Variants in FAM161B observed in about 807,000 individuals in gnomAD.
The protein encoded by FAM161B is protein FAM161B.
Under a neutral mutation model 61.5 loss-of-function variants are expected in FAM161B, and 46 were observed. That is an observed-to-expected ratio of 0.75 (90% CI 0.59 to 0.96). FAM161B has a LOEUF of 0.96. Among genes scored for constraint, FAM161B ranks in the 40% least tolerant of loss-of-function variants. The pLI is 0.00. For missense variants in FAM161B, 774 were observed against 800.7 expected (o/e 0.97, Z 0.40); for synonymous variants, 284 against 302.7 (o/e 0.94, Z 0.64).
At chr14:73,939,654 C>G (rs1284630689) in intron 5 of FAM161B, among the ~76,000 whole-genome samples, 1 of 152,214 alleles carries the variant, frequency 6.6e-6, no homozygotes, top group East Asian at 1.9e-4. Context: ...TTTGGGAATA[C>G]AAATCTGCAC....
chr14:73,924,222 G>A, the FAM161B span, among the ~76,000 whole-genome samples: 51 of 152,228 alleles, frequency 3.4e-4, no homozygotes, highest in African/African-American at 1.2e-3. Context: ...TAAGGAGTGC[G>A]CAACCTAGAT....
the FAM161B span, among the ~76,000 whole-genome samples, chr14:73,924,169 A>T: frequency 6.6e-6 from 1 of 152,136 alleles, no homozygotes; most frequent in Non-Finnish European, 1.5e-5. Context: ...GGCACCAGGG[A>T]CCGGTTTCGT....
At position 73,937,690 on chromosome 14, in the gene FAM161B, C is replaced by T. The variant is rs138441046; in HGVS notation, c.1577G>A (p.Arg526His). 27 of 1,613,690 alleles carry T rather than the reference C, an allele frequency of 1.7e-5. No homozygotes were observed. The highest frequency in any genetic ancestry group is 3.3e-4 in the Middle Eastern group (2 of 6,084). The change falls in exon 7 of 9, where the codon CGT (arginine) becomes CAT (histidine). Residue 526 changes from arginine (R) to histidine (H), a missense_variant. Transcript: ENST00000286544. ...TTTCTTATATTCTTTCGCTCTTTTA[C>T]GGTCATTGTTCCTGGAATTAGCAAG... is the stretch of plus-strand genomic sequence containing the variant. ...AKLKENRNND[R>H]KRAKEYKKEL...
At chr14:73,928,817 G>A (rs2055871014), downstream of FAM161B, among the ~76,000 whole-genome samples, 3 of 152,092 alleles carry the variant, frequency 2.0e-5, no homozygotes, top group Non-Finnish European at 4.4e-5. Flanking sequence ...GCATAGTGGT[G>A]CATACCTGTA....
chr14:73,949,822 TGTAA>T lies in FAM161B; in HGVS notation c.54+147_54+150del, dbSNP rs946244135. The T allele has an allele frequency of 4.4e-6, 5 of 1,126,790 alleles. No homozygotes were observed. In the African/African-American group the frequency reaches 6.2e-5, roughly 14 times the overall value. The allele number at this position is 1,126,790 out of a possible 1,614,324, so 69.8% of individuals were successfully genotyped here. On this transcript the variant is annotated intron_variant, in intron 1 of 8. Transcript: ENST00000286544. The stretch of plus-strand genomic sequence containing the variant: ...GTATAAAGTCCGAGAGGTTCAGGTC[TGTAA>T]GTCAGAGTCCGCCTCCTGGTCCCTA...
downstream of FAM161B, chr14:73,931,476 TC>T (rs369175203): frequency 2.6e-4 from 421 of 1,599,630 alleles, 2 homozygotes; most frequent in South Asian, 3.2e-3. Flanking sequence ...TGTAACCTAT[TC>T]TAGATTTGCT....
At chr14:73,947,029 CTCCCT>C (rs2056073149) in intron 1 of FAM161B, among the ~76,000 whole-genome samples, 1 of 152,164 alleles carries the variant, frequency 6.6e-6, no homozygotes, top group African/African-American at 2.4e-5. Context: ...TCTTCCTTCT[CTCCCT>C]TCCCTTATTT....
rs777300379 is a variant in FAM161B, at chr14:73,936,090, T to C, written c.1666-2A>G. The stretch of plus-strand genomic sequence containing the variant: ...TTCTGCTTCTTTCTTGGCTAGATCC[T>C]GTGGGATGGAAATTAATCTGTTGTA... On this transcript the variant is annotated splice_acceptor_variant, in intron 7 of 8. Transcript: ENST00000286544. LOFTEE classifies it high-confidence loss of function. The C allele has an allele frequency of 6.3e-7, 1 of 1,599,436 alleles. No homozygotes were observed. Among genetic ancestry groups the C allele is most frequent in the Non-Finnish European group, 8.5e-7 (1 of 1,172,270 alleles).
intron 6 of FAM161B, 42 bp from the exon 7 acceptor site, chr14:73,937,743 A>C: frequency 6.3e-7 from 1 of 1,598,126 alleles, no homozygotes; most frequent in Non-Finnish European, 8.6e-7. Flanking sequence ...CATCTTTTCT[A>C]ATCCAGAATA....
At chr14:73,938,185 G>A (rs2055987183) in intron 5 of FAM161B, 73 bp from the exon 6 acceptor site, 1 of 1,552,102 alleles carries the variant, frequency 6.4e-7, no homozygotes, top group Non-Finnish European at 8.8e-7. Flanking sequence ...TAGGCCAGGT[G>A]TGGTGGCTCA....
chr14:73,932,008 C>G (rs1330752801), downstream of FAM161B: 2 of 456,400 alleles, frequency 4.4e-6, no homozygotes, highest in East Asian at 1.4e-4. Context: ...GGAGTGATGT[C>G]AATTCTCTTG....
downstream of FAM161B, chr14:73,927,105 A>G: frequency 8.0e-6 from 1 of 125,484 alleles, no homozygotes; most frequent in Non-Finnish European, 1.7e-5. Flanking sequence ...TTTTTTTTTG[A>G]GGTGGAGTCT....
intron 1 of FAM161B, among the ~76,000 whole-genome samples, chr14:73,947,734 A>G (rs761638459): frequency 5.9e-5 from 9 of 152,202 alleles, no homozygotes; most frequent in Non-Finnish European, 1.3e-4. Context: ...TTAGGAATGT[A>G]CTTGTAATCA....
chr14:73,939,813 A>G (rs574340496), intron 5 of FAM161B, among the ~76,000 whole-genome samples: 1 of 152,352 alleles, frequency 6.6e-6, no homozygotes, highest in African/African-American at 2.4e-5. Context: ...GGATGTTTAT[A>G]TTCAAATGGA....
Position 73,946,397 on chromosome 14 carries a change from T to C in FAM161B, c.263A>G (p.Gln88Arg). ...GRWCLLESLF[Q>R]SDPESDENLS... ...GTTTTCATCACTCTCTGGGTCAGAC[T>C]GAAAGAGAGACTCCAACAGACACCA... Residue 88 changes from glutamine to arginine, a missense_variant, in exon 2 of 9, where the codon CAG becomes CGG. Physicochemically the swap from Gln to Arg is conservative, Grantham distance 43. Transcript: ENST00000286544. 1 of 1,614,162 alleles carries C rather than the reference T, an allele frequency of 6.2e-7. No homozygotes were observed. Among genetic ancestry groups the C allele is most frequent in the Non-Finnish European group, 8.5e-7 (1 of 1,180,024 alleles).
intron 5 of FAM161B, among the ~76,000 whole-genome samples, chr14:73,940,404 T>C (rs1263009995): frequency 6.6e-6 from 1 of 152,212 alleles, no homozygotes; most frequent in Non-Finnish European, 1.5e-5. Context: ...CTCTGAATTC[T>C]TGTTCCTCAC....
chr14:73,949,807 C>T, intron 1 of FAM161B, 166 bp downstream of exon 1: 3 of 954,656 alleles, frequency 3.1e-6, no homozygotes, highest in Non-Finnish European at 4.6e-6. Flanking sequence ...GTATAAAGTC[C>T]GAGAGGTTCA....
At chr14:73,927,558 C>T (rs2055851584), downstream of FAM161B, among the ~76,000 whole-genome samples, 1 of 152,168 alleles carries the variant, frequency 6.6e-6, no homozygotes, top group Non-Finnish European at 1.5e-5. Flanking sequence ...GAGCTTTTCT[C>T]TCCTGTATTG....
intron 2 of FAM161B, 125 bp downstream of exon 2, chr14:73,946,161 G>C (rs1289514871): frequency 9.5e-5 from 92 of 971,690 alleles, no homozygotes; most frequent in Non-Finnish European, 1.2e-4. Flanking sequence ...TTCTCAGCTA[G>C]AGCCTCAGTA....
Sources: allele counts gnomAD v4.1 joint callset (sites outside exome capture counted in the v4.1 genomes callset), GRCh38; gene constraint gnomAD v4.1.1; transcripts MANE v1.5; gene names NCBI Gene and HGNC (gene_info 2026-07-23, HGNC 2026-07-21).